Variants in ITFG1 observed in about 807,000 individuals in gnomAD.
ITFG1 encodes integrin alpha FG-GAP repeat containing 1, also known as T-cell immunomodulatory protein.
ITFG1 carries 34 observed loss-of-function variants against 81.8 expected under a neutral mutation model. The observed-to-expected ratio is 0.42, with a 90% confidence interval of 0.32 to 0.55. ITFG1 has a LOEUF of 0.55. ITFG1 is among the 20% of genes least tolerant of loss of function. ITFG1 has a pLI of 0.17. For synonymous variants in ITFG1, 285 were observed against 270.6 expected (o/e 1.05, Z -0.52); for missense variants, 672 against 755.4 (o/e 0.89, Z 1.29).
intron 8 of ITFG1, among the ~76,000 whole-genome samples, chr16:47,333,412 A>G (rs1967661981): frequency 6.6e-6 from 1 of 152,224 alleles, no homozygotes; most frequent in Non-Finnish European, 1.5e-5. Context: ...CCAGAATTAG[A>G]GACCTAGCAA....
chr16:47,232,102 C>CA (rs1347533136), intron 13 of ITFG1, among the ~76,000 whole-genome samples: 2 of 152,138 alleles, frequency 1.3e-5, no homozygotes. Flanking sequence ...CCAAAGCCTC[C>CA]AAAAAGGAAG....
intron 5 of ITFG1, among the ~76,000 whole-genome samples, chr16:47,436,958 G>A (rs1969174917): frequency 6.6e-6 from 1 of 152,092 alleles, no homozygotes. Context: ...TCTTCATTTA[G>A]AGGCACCTCA....
chr16:47,352,685 T>C (rs1167344175), intron 8 of ITFG1, among the ~76,000 whole-genome samples: 1 of 152,210 alleles, frequency 6.6e-6, no homozygotes, highest in Non-Finnish European at 1.5e-5. Context: ...AAATACCATT[T>C]GACCCAGCCG....
chr16:47,446,941 C>A (rs1969332117), intron 5 of ITFG1, among the ~76,000 whole-genome samples: 1 of 151,826 alleles, frequency 6.6e-6, no homozygotes, highest in African/African-American at 2.4e-5. Flanking sequence ...CGGCTCACTG[C>A]AGCCTGGACC....
chr16:47,231,492 T>C (rs958974686), intron 13 of ITFG1, among the ~76,000 whole-genome samples: 1 of 152,234 alleles, frequency 6.6e-6, no homozygotes, highest in South Asian at 2.1e-4. Context: ...ATATTTACCA[T>C]ATCCATATTT....
intron 13 of ITFG1, 144 bp downstream of exon 13, chr16:47,237,821 C>T: frequency 1.8e-6 from 1 of 542,866 alleles, no homozygotes; most frequent in Non-Finnish European, 3.3e-6. Flanking sequence ...TTACTTTCAG[C>T]ACAGTTTTCT....
intron 6 of ITFG1, among the ~76,000 whole-genome samples, chr16:47,403,761 T>TGC (rs1968692357): frequency 7.5e-6 from 1 of 133,168 alleles, no homozygotes; most frequent in African/African-American, 2.8e-5. Flanking sequence ...TCTCTCTTGG[T>TGC]ACACACACAC....
chr16:47,247,368 AGT>A (rs1383905141), intron 12 of ITFG1, among the ~76,000 whole-genome samples: 2 of 152,178 alleles, frequency 1.3e-5, no homozygotes, highest in African/African-American at 4.8e-5. Flanking sequence ...AACACAACAG[AGT>A]GTAAGTTTTA....
chr16:47,246,294 T>G (rs1285827843), intron 12 of ITFG1, among the ~76,000 whole-genome samples: 1 of 152,164 alleles, frequency 6.6e-6, no homozygotes, highest in Non-Finnish European at 1.5e-5. Flanking sequence ...TGCCACATCT[T>G]TTCTCCACTA....
intron 8 of ITFG1, among the ~76,000 whole-genome samples, chr16:47,324,858 G>C (rs1967507822): frequency 6.6e-6 from 1 of 152,112 alleles, no homozygotes; most frequent in Non-Finnish European, 1.5e-5. Flanking sequence ...CCTACGAAGA[G>C]ACTTAGACTC....
intron 6 of ITFG1, among the ~76,000 whole-genome samples, chr16:47,376,964 CAAAAAAA>C (rs1222007051): frequency 1.5e-3 from 27 of 18,072 alleles, no homozygotes; most frequent in African/African-American, 3.1e-3. Flanking sequence ...TCTGTCTCCC[CAAAAAAA>C]AAAAAAAAAA....
intron 12 of ITFG1, among the ~76,000 whole-genome samples, chr16:47,239,028 CAG>C (rs1397702573): frequency 6.6e-6 from 1 of 152,072 alleles, no homozygotes; most frequent in Non-Finnish European, 1.5e-5. Context: ...AAAGAGGCTC[CAG>C]TAATTTCTTT....
intron 10 of ITFG1, among the ~76,000 whole-genome samples, chr16:47,309,209 C>G (rs562742908): frequency 1.3e-5 from 2 of 151,870 alleles, no homozygotes; most frequent in African/African-American, 4.8e-5. Flanking sequence ...GCTGGGACTA[C>G]AGGCGCCCAC....
chr16:47,327,855 G>A (rs1337878787), intron 8 of ITFG1, among the ~76,000 whole-genome samples: 8 of 152,152 alleles, frequency 5.3e-5, no homozygotes, highest in Non-Finnish European at 8.8e-5. Flanking sequence ...GGAGAAATAG[G>A]AACACTTACA....
chr16:47,268,397 G>A (rs574754523), intron 10 of ITFG1, among the ~76,000 whole-genome samples: 4 of 152,226 alleles, frequency 2.6e-5, no homozygotes, highest in Admixed American at 1.3e-4. Context: ...ACTCCAGACC[G>A]AAATGGCTTC....
chr16:47,271,532 T>G (rs1966339980), intron 10 of ITFG1, among the ~76,000 whole-genome samples: 1 of 152,166 alleles, frequency 6.6e-6, no homozygotes, highest in South Asian at 2.1e-4. Context: ...ATGGCAAACC[T>G]GCTTTGAAAT....
At chr16:47,176,857 G>A (rs1965032125) in intron 14 of ITFG1, among the ~76,000 whole-genome samples, 1 of 151,938 alleles carries the variant, frequency 6.6e-6, no homozygotes, top group Non-Finnish European at 1.5e-5. Flanking sequence ...TTTGATAAGT[G>A]ATAAAATTAA....
rs536545223 is a variant in ITFG1 at position 47,442,084 on chromosome 16, T to C, written c.560+9312A>G. 1.6e-3 allele frequency among the ~76,000 whole-genome samples: 238 copies of C among 151,992 alleles called. 2 individuals carry two copies. The highest frequency in any genetic ancestry group is 5.5e-3 in the African/African-American group (227 of 41,476). ...ATGAGTGAACTCCCATTCACAATGG[T>C]TTCAAAGAGAATCAAATACCTAGGA... On this transcript the variant is annotated intron_variant, in intron 5 of 17. Coordinates refer to ENST00000320640, the MANE Select transcript of ITFG1 (RefSeq NM_030790.5).
At chr16:47,327,406 C>T (rs1202095018) in intron 8 of ITFG1, among the ~76,000 whole-genome samples, 1 of 151,880 alleles carries the variant, frequency 6.6e-6, no homozygotes, top group African/African-American at 2.4e-5. Flanking sequence ...ATTCAGGACA[C>T]AGGCATGGGC....
Sources: allele counts gnomAD v4.1 joint callset (sites outside exome capture counted in the v4.1 genomes callset), GRCh38; gene constraint gnomAD v4.1.1; transcripts MANE v1.5; gene names NCBI Gene and HGNC (gene_info 2026-07-23, HGNC 2026-07-21).